Variants in CDH13 observed in about 807,000 individuals in gnomAD.
The protein encoded by CDH13 is cadherin-13.
Under a neutral mutation model 63.8 loss-of-function variants are expected in CDH13, and 24 were observed. The observed-to-expected ratio is 0.38, with a 90% confidence interval of 0.27 to 0.53. The LOEUF (loss-of-function observed/expected upper bound fraction) is 0.53, where lower values mean the gene tolerates loss of function less well. CDH13 is among the 20% of genes least tolerant of loss of function. The pLI, the probability that CDH13 is intolerant of heterozygous loss-of-function variation, is 0.85. For synonymous variants in CDH13, 503 were observed against 355.3 expected, an observed-to-expected ratio of 1.42 and a Z score of -4.67; for missense variants, 1,049 against 903.1, an observed-to-expected ratio of 1.16 and a Z score of -2.07.
At position 83,679,299 on chromosome 16, in the gene CDH13, C is replaced by T. The variant is rs146794220; in HGVS notation, c.1538+838C>T. On this transcript the variant is annotated intron_variant, in intron 10 of 13. Transcript: ENST00000567109. ...AAATCAGCGTGCAGATCCAAATGCA[C>T]GCCTGTCTCTGCAGAAGAAAGTTAT... Among the ~76,000 whole-genome samples the T allele has an allele frequency of 3.4e-3, 512 of 152,304 alleles. 6 individuals are homozygous for T. Among genetic ancestry groups the T allele is most frequent in the African/African-American group, 0.012 (480 of 41,564 alleles).
chr16:83,492,440 C>A (rs1477428203), intron 7 of CDH13, among the ~76,000 whole-genome samples: 1 of 152,170 alleles, frequency 6.6e-6, no homozygotes, highest in Non-Finnish European at 1.5e-5. Context: ...GTAGCATCCT[C>A]ACAATTTCTT....
At chr16:83,285,687 T>G (rs2089293491) in intron 5 of CDH13, among the ~76,000 whole-genome samples, 2 of 152,184 alleles carry the variant, frequency 1.3e-5, no homozygotes, top group Non-Finnish European at 2.9e-5. Flanking sequence ...CCGCTTTATA[T>G]AAGAGACTTG....
rs1299971124 is a variant in CDH13, at chr16:82,864,674, A to G, written c.157+6201A>G. On this transcript the variant is annotated intron_variant, in intron 2 of 13. Transcript: ENST00000567109. ...TGGGAATCATGGGGATTACAATTCAAGATGAGATCTGAGTTGTGACACAGA... is the reference window on the plus strand; with the variant it reads ...TGGGAATCATGGGGATTACAATTCAGGATGAGATCTGAGTTGTGACACAGA... 2.0e-5 allele frequency among the ~76,000 whole-genome samples: 3 copies of G among 152,220 alleles called. No homozygotes were observed. The East Asian group carries it at 5.8e-4, about 29-fold the overall frequency.
At chr16:82,992,392 TA>T (rs1199372709) in intron 2 of CDH13, among the ~76,000 whole-genome samples, 1 of 152,220 alleles carries the variant, frequency 6.6e-6, no homozygotes, top group Non-Finnish European at 1.5e-5. Flanking sequence ...CAGAGTTAAA[TA>T]TGTGTATATA....
intron 2 of CDH13, among the ~76,000 whole-genome samples, chr16:82,897,598 C>T (rs1417819414): frequency 2.0e-5 from 3 of 152,236 alleles, no homozygotes; most frequent in Non-Finnish European, 4.4e-5. Flanking sequence ...ATGCAACTTA[C>T]TCAACCAAGC....
At chr16:83,080,734 G>A (rs2033169496) in intron 3 of CDH13, among the ~76,000 whole-genome samples, 1 of 151,848 alleles carries the variant, frequency 6.6e-6, no homozygotes, top group Non-Finnish European at 1.5e-5. Context: ...GGCGGCAATG[G>A]GGGGTGACTT....
At chr16:82,718,035 C>A (rs1027256700) in intron 1 of CDH13, among the ~76,000 whole-genome samples, 3 of 152,214 alleles carry the variant, frequency 2.0e-5, no homozygotes, top group Non-Finnish European at 4.4e-5. Context: ...GCAGACCCTG[C>A]AACGATGATT....
chr16:83,444,816 G>A (rs1467541708), intron 6 of CDH13, among the ~76,000 whole-genome samples: 3 of 274 alleles, frequency 0.011, no homozygotes, highest in Non-Finnish European at 0.024. Flanking sequence ...TCTCATGGTT[G>A]GTTTTGCCTG....
intron 4 of CDH13, among the ~76,000 whole-genome samples, chr16:83,169,528 T>C (rs2037832557): frequency 6.8e-6 from 1 of 146,962 alleles, no homozygotes; most frequent in African/African-American, 2.6e-5. Context: ...TACTGTGGCC[T>C]TTTTTTTTGC....
intron 5 of CDH13, among the ~76,000 whole-genome samples, chr16:83,256,969 G>A (rs1470747238): frequency 6.6e-6 from 1 of 151,984 alleles, no homozygotes; most frequent in Admixed American, 6.6e-5. Context: ...GGGCCTGCAT[G>A]CTGTGTGTTG....
intron 7 of CDH13, among the ~76,000 whole-genome samples, chr16:83,571,646 A>C (rs1219734690): frequency 1.3e-5 from 2 of 152,162 alleles, no homozygotes; most frequent in African/African-American, 4.8e-5. Context: ...TGCCTTGAGA[A>C]TCCAGCACAG....
At chr16:83,230,961 G>A (rs189578748) in intron 5 of CDH13, among the ~76,000 whole-genome samples, 44 of 152,308 alleles carry the variant, frequency 2.9e-4, no homozygotes, top group African/African-American at 1.0e-3. Flanking sequence ...AGACATCCTC[G>A]AAATACCATT....
At chr16:83,126,026 CT>C (rs1297370769) in intron 4 of CDH13, among the ~76,000 whole-genome samples, 2 of 152,230 alleles carry the variant, frequency 1.3e-5, no homozygotes, top group African/African-American at 2.4e-5. Context: ...GAAATAGTCA[CT>C]GTTAAATGTG....
In CDH13 at chr16:83,033,943, A is replaced by G. The variant is rs566120114; in HGVS notation, c.366+1725A>G. On this transcript the variant is annotated intron_variant, in intron 3 of 13. Transcript: ENST00000567109. ...TTCACATCCCTTTTCTCCACCTGCC[A>G]TATTAGCCACATCCCTGCTTGATCT... is the stretch of plus-strand genomic sequence containing the variant. Among the ~76,000 whole-genome samples, 121 of 152,084 alleles carry G rather than the reference A, an allele frequency of 8.0e-4. 1 individual carries two copies. Among genetic ancestry groups the G allele is most frequent in the Non-Finnish European group, 1.3e-3 (86 of 67,992 alleles).
intron 11 of CDH13, among the ~76,000 whole-genome samples, chr16:83,773,246 C>T (rs1166029518): frequency 6.6e-6 from 1 of 152,180 alleles, no homozygotes; most frequent in African/African-American, 2.4e-5. Flanking sequence ...TTTACAATTG[C>T]AAGTTTCTAA....
Position 82,644,965 on chromosome 16 carries a change from G to A in CDH13, c.45+17828G>A, listed in dbSNP as rs1909912510. On this transcript the variant is annotated intron_variant, in intron 1 of 13. Coordinates refer to ENST00000567109, the MANE Select transcript of CDH13 (RefSeq NM_001257.5). This position sits in a 1 kb window ranked among gnomAD's most constrained non-coding sequence, Gnocchi z 5.7. ...AACTAATATTTTGGAAAACTCTGGA[G>A]TTAGAGAAGTGGACCAGATTGGGTT... is the stretch of plus-strand genomic sequence containing the variant. Among the ~76,000 whole-genome samples, 1 of 152,222 alleles carries A rather than the reference G, an allele frequency of 6.6e-6. No individual in the cohort carries two copies. The highest frequency in any genetic ancestry group is 1.5e-5 in the Non-Finnish European group (1 of 68,048).
At chr16:83,014,214 C>G (rs1437239568) in intron 2 of CDH13, among the ~76,000 whole-genome samples, 1 of 148,130 alleles carries the variant, frequency 6.8e-6, no homozygotes, top group Non-Finnish European at 1.5e-5. Flanking sequence ...GAAAAATTTT[C>G]AAACTAATAC....
chr16:83,115,806 G>T (rs1377201419), intron 3 of CDH13, among the ~76,000 whole-genome samples: 1 of 152,224 alleles, frequency 6.6e-6, no homozygotes, highest in Non-Finnish European at 1.5e-5. Context: ...TTTGTGGTTT[G>T]TTTATGAGGT....
At chr16:83,237,525 G>C (rs1904275533) in intron 5 of CDH13, among the ~76,000 whole-genome samples, 1 of 152,238 alleles carries the variant, frequency 6.6e-6, no homozygotes, top group African/African-American at 2.4e-5. Context: ...CATTTGAACT[G>C]CAGCTAGTGC....
Sources: allele counts gnomAD v4.1 joint callset (sites outside exome capture counted in the v4.1 genomes callset), GRCh38; gene constraint gnomAD v4.1.1; non-coding constraint Gnocchi (gnomAD v3.1); transcripts MANE v1.5; gene names NCBI Gene and HGNC (gene_info 2026-07-23, HGNC 2026-07-21).